The following NUMB variants were observed in gnomAD, a reference collection of about 807,000 sequenced individuals.
NUMB encodes protein numb homolog.
NUMB carries 29 observed loss-of-function variants against 59.7 expected under a neutral mutation model. That is an observed-to-expected ratio of 0.49 (90% confidence interval 0.36 to 0.66). The LOEUF is 0.66. Among genes scored for constraint, NUMB ranks in the 30% least tolerant of loss-of-function variants. NUMB has a pLI of 0.00. For missense variants in NUMB, 723 were observed against 822.0 expected (o/e 0.88, Z 1.47); for synonymous variants, 288 against 288.2 (o/e 1.00, Z 0.01).
intron 4 of NUMB, among the ~76,000 whole-genome samples, chr14:73,336,303 G>A (rs9323582): frequency 0.8 from 121,758 of 152,176 alleles, 49,268 homozygotes; most frequent in African/African-American, 0.92. Context: ...AAAACAAAGA[G>A]AAGATGACAG....
chr14:73,451,398 C>G (rs1385598656), intron 1 of NUMB, among the ~76,000 whole-genome samples: 3 of 149,880 alleles, frequency 2.0e-5, no homozygotes, highest in Non-Finnish European at 1.5e-5. Context: ...GATTGAGCCA[C>G]TGCACTCCAG....
chr14:73,327,032 T>C (rs976420836), intron 4 of NUMB, among the ~76,000 whole-genome samples: 10 of 150,664 alleles, frequency 6.6e-5, no homozygotes, highest in African/African-American at 2.2e-4. Context: ...GATTTTTCAT[T>C]CCTATTATAA....
rs891824519 is a variant in NUMB, at chr14:73,407,068, C to G, written c.-101+2869G>C. ...ATTTTGGCCAGGCTGGCCTCCAACT[C>G]CCGGCCTCAAGTAATCCACCCACCT... On this transcript the variant is annotated intron_variant, in intron 2 of 12. Transcript: ENST00000555238. Among the ~76,000 whole-genome samples the G allele has an allele frequency of 6.6e-5, 10 of 152,124 alleles. 1 individual carries two copies. Among genetic ancestry groups the G allele is most frequent in the Middle Eastern group, 6.8e-3 (2 of 294 alleles).
intron 10 of NUMB, among the ~76,000 whole-genome samples, chr14:73,283,652 CAGA>C (rs963495586): frequency 3.7e-4 from 56 of 152,212 alleles, no homozygotes; most frequent in African/African-American, 1.3e-3. Flanking sequence ...GCCAACCAGC[CAGA>C]AGGACAATGA....
intron 11 of NUMB, among the ~76,000 whole-genome samples, chr14:73,279,853 A>C (rs1203892072): frequency 6.6e-6 from 1 of 152,216 alleles, no homozygotes; most frequent in East Asian, 1.9e-4. Flanking sequence ...GATTATGTTA[A>C]CAATAATACT....
intron 10 of NUMB, 62 bp from the exon 11 acceptor site, chr14:73,282,567 T>C: frequency 6.4e-7 from 1 of 1,561,924 alleles, no homozygotes; most frequent in Admixed American, 1.7e-5. Flanking sequence ...AATTTGACAG[T>C]ATGATGCAAG....
At chr14:73,318,743 G>A (rs1267901495) in intron 5 of NUMB, among the ~76,000 whole-genome samples, 4 of 152,196 alleles carry the variant, frequency 2.6e-5, no homozygotes, top group Non-Finnish European at 1.5e-5. Context: ...AAGTAAATGA[G>A]TTGAAAATAG....
At position 73,353,075 on chromosome 14, in the gene NUMB, T is replaced by TTTTTTTTTTG. The variant is rs1566756905; in HGVS notation, c.126+2550_126+2551insCAAAAAAAAA. On this transcript the variant is annotated intron_variant, in intron 4 of 12. Transcript: ENST00000555238. The stretch of plus-strand genomic sequence containing the variant: ...AATGGATGCCACAGTTTTTCTTGTT[T>TTTTTTTTTTG]TTTTTTTTTTTTTTTTTTTTTTTTT... Among the ~76,000 whole-genome samples, 3 of 73,046 alleles carry TTTTTTTTTTG rather than the reference T, an allele frequency of 4.1e-5. No homozygotes were observed. The East Asian group carries it at 1.3e-3, about 31-fold the overall frequency. 47.9% of individuals were successfully genotyped at this position (73,046 alleles called of 152,430 possible). A position where few individuals can be genotyped will look rare whatever the true frequency, so the allele number is the denominator to read the frequency against.
chr14:73,371,125 C>T (rs1270840293), intron 2 of NUMB, among the ~76,000 whole-genome samples: 1 of 152,172 alleles, frequency 6.6e-6, no homozygotes, highest in Non-Finnish European at 1.5e-5. Flanking sequence ...TGAGAGTAAG[C>T]TGCAAACACA....
intron 1 of NUMB, among the ~76,000 whole-genome samples, chr14:73,422,729 A>G (rs1305159776): frequency 1.3e-5 from 2 of 152,090 alleles, no homozygotes; most frequent in Admixed American, 6.6e-5. Context: ...CATCTCACGT[A>G]AACTCACTGA....
chr14:73,279,538 GAA>G lies in NUMB; in HGVS notation c.1097-116_1097-115del, dbSNP rs534550083. On this transcript the variant is annotated intron_variant, in intron 11 of 12. Transcript: ENST00000555238. ...CAATACTGGTGGAATGGATAAGAGAGAAGAGTTGATGTTTGGGAAAACCATGA... is the reference window on the plus strand; with the variant it reads ...CAATACTGGTGGAATGGATAAGAGAGGAGTTGATGTTTGGGAAAACCATGA... 5.7e-5 allele frequency: 56 copies of G among 988,274 alleles called. No homozygotes were observed. In the African/African-American group the frequency reaches 8.2e-4, roughly 14 times the overall value. 61.2% of individuals were successfully genotyped at this position (988,274 alleles called of 1,614,324 possible). A position where few individuals can be genotyped will look rare whatever the true frequency, so the allele number is the denominator to read the frequency against.
At chr14:73,392,991 C>G (rs1032128036) in intron 2 of NUMB, among the ~76,000 whole-genome samples, 1 of 151,938 alleles carries the variant, frequency 6.6e-6, no homozygotes. Context: ...TCACTGCTTA[C>G]GTCAGATTCT....
chr14:73,308,292 G>A (rs1890577753), intron 6 of NUMB, among the ~76,000 whole-genome samples: 1 of 152,124 alleles, frequency 6.6e-6, no homozygotes, highest in African/African-American at 2.4e-5. Flanking sequence ...TCAAATCCAG[G>A]GTTTGGCTAG....
chr14:73,337,966 C>T (rs373185629), intron 4 of NUMB, among the ~76,000 whole-genome samples: 1 of 152,098 alleles, frequency 6.6e-6, no homozygotes, highest in South Asian at 2.1e-4. Flanking sequence ...ATGGGAACTC[C>T]ACCCTTCCAA....
intron 5 of NUMB, among the ~76,000 whole-genome samples, chr14:73,321,867 C>A (rs1054831593): frequency 1.3e-5 from 2 of 151,960 alleles, no homozygotes; most frequent in African/African-American, 4.8e-5. Context: ...TTTTTTAGTT[C>A]TTTGTATATT....
intron 7 of NUMB, among the ~76,000 whole-genome samples, chr14:73,293,553 G>T (rs913912033): frequency 2.6e-5 from 4 of 151,828 alleles, no homozygotes; most frequent in African/African-American, 4.8e-5. Flanking sequence ...CACCACGCCC[G>T]GCTAATTTTT....
chr14:73,374,719 CTT>C (rs368185389), intron 2 of NUMB, among the ~76,000 whole-genome samples: 6 of 119,298 alleles, frequency 5.0e-5, no homozygotes, highest in Admixed American at 9.6e-5. Context: ...GTTACATTAA[CTT>C]TTTTTTTTTT....
chr14:73,290,113 T>C (rs1352933971), intron 8 of NUMB, among the ~76,000 whole-genome samples: 1 of 152,316 alleles, frequency 6.6e-6, no homozygotes, highest in East Asian at 1.9e-4. Flanking sequence ...CGGGCCACTA[T>C]TTGACAACAA....
intron 2 of NUMB, among the ~76,000 whole-genome samples, chr14:73,398,407 AGAGAGAGAGTGTGTGTGT>A (rs1299087976): frequency 2.6e-5 from 3 of 115,578 alleles, no homozygotes; most frequent in African/African-American, 1.0e-4. Context: ...AGAGAGAGAG[AGAGAGAGAGTGTGTGTGT>A]GTGTGTGTGT....
Sources: allele counts gnomAD v4.1 joint callset (sites outside exome capture counted in the v4.1 genomes callset), GRCh38; gene constraint gnomAD v4.1.1; transcripts MANE v1.5; gene names NCBI Gene and HGNC (gene_info 2026-07-23, HGNC 2026-07-21).